The following ODAD2 variants were observed in gnomAD, a reference collection of about 807,000 sequenced individuals.
ODAD2 encodes the protein outer dynein arm docking complex subunit 2, also known as outer dynein arm-docking complex subunit 2.
A neutral mutation model predicts 106.8 loss-of-function variants in ODAD2; 89 were observed. The observed-to-expected ratio is 0.83, with a 90% CI of 0.70 to 0.99. The LOEUF is 0.99. Ranked by LOEUF, ODAD2 falls within the 50% of genes least tolerant of loss-of-function variation. The pLI is 0.00. For missense variants in ODAD2, 1,168 were observed against 1,238.5 expected, an observed-to-expected ratio of 0.94 and a Z score of 0.85; for synonymous variants, 404 against 436.2, an observed-to-expected ratio of 0.93 and a Z score of 0.92.
chr10:27,971,290 C>A lies in ODAD2; in HGVS notation c.960G>T (p.Gln320His). 6.2e-7 allele frequency: 1 copy of A among 1,608,368 alleles called. No homozygotes were observed. The highest frequency in any genetic ancestry group is 8.5e-7 in the Non-Finnish European group (1 of 1,177,942). Residue 320 changes from glutamine (Q) to histidine (H), a missense_variant, in exon 8 of 20, where the codon CAG becomes CAT. Coordinates refer to ENST00000305242, the MANE Select transcript of ODAD2 (RefSeq NM_018076.5). The part of the protein sequence containing the change: ...SKLGISFSED[Q>H]QKEKDQLGKA... ...TGCCAAGCTGATCCTTTTCCTTTTG[C>A]TGGTCTTCACTGAAGCTAATTCCCT... is the stretch of plus-strand genomic sequence containing the variant.
In ODAD2 at chr10:27,824,069, G is replaced by A. The variant is rs1275527042; in HGVS notation, c.3022-11444C>T. 1.4e-5 allele frequency among the ~76,000 whole-genome samples: 2 copies of A among 138,932 alleles called. 1 individual carries two copies. Among genetic ancestry groups the A allele is most frequent in the African/African-American group, 5.9e-5 (2 of 33,754 alleles). 91.1% of individuals were successfully genotyped at this position (138,932 alleles called of 152,430 possible). On this transcript the variant is annotated intron_variant, in intron 19 of 19. Transcript: ENST00000305242. The stretch of plus-strand genomic sequence containing the variant: ...GCAGGAGAATGGCGTGAACCCCAGG[G>A]GGCGGAGCCTGCAGTGAGCCGAGAT...
rs529273520 is a variant in ODAD2 at position 27,943,830 on chromosome 10, G to T, written c.1743+392C>A. 1.2e-3 allele frequency among the ~76,000 whole-genome samples: 100 copies of T among 83,228 alleles called. 1 individual carries two copies. In the South Asian group the frequency reaches 0.014, roughly 12 times the overall value. The allele number at this position is 83,228 out of a possible 152,430, so 54.6% of individuals were successfully genotyped here. A position where few individuals can be genotyped will look rare whatever the true frequency, so the allele number is the denominator to read the frequency against. On this transcript the variant is annotated intron_variant, in intron 12 of 19. Transcript: ENST00000305242. ...AAAAAAAAAAAAAAAAAAAAAAAAAGGCATCATAGATGTCAACAGCTTTTA... is the reference window on the plus strand; with the variant it reads ...AAAAAAAAAAAAAAAAAAAAAAAAATGCATCATAGATGTCAACAGCTTTTA...
chr10:27,973,212 A>AATACATAC (rs56390356), intron 7 of ODAD2, among the ~76,000 whole-genome samples: 19,584 of 148,236 alleles, frequency 0.13, 1,603 homozygotes, highest in African/African-American at 0.22. Context: ...TGGTCAAAAT[A>AATACATAC]ATACATACAT....
At chr10:27,935,377 T>G in intron 15 of ODAD2, 125 bp from the exon 16 acceptor site, 1 of 1,253,570 alleles carries the variant, frequency 8.0e-7, no homozygotes, top group Non-Finnish European at 1.1e-6. Context: ...CATTACTGGA[T>G]GGTTAATCTG....
intron 19 of ODAD2, among the ~76,000 whole-genome samples, chr10:27,823,351 A>G (rs760516852): frequency 3.3e-5 from 5 of 152,160 alleles, no homozygotes; most frequent in Admixed American, 2.0e-4. Flanking sequence ...CAAAGTGTAG[A>G]TGGCAATTCT....
chr10:27,927,217 G>A (rs940247461), intron 16 of ODAD2, among the ~76,000 whole-genome samples: 1 of 152,046 alleles, frequency 6.6e-6, no homozygotes, highest in Admixed American at 6.6e-5. Context: ...AAGGAAGAGA[G>A]GTGCTATGAA....
At chr10:27,839,704 T>C (rs1298369209) in intron 19 of ODAD2, among the ~76,000 whole-genome samples, 1 of 152,202 alleles carries the variant, frequency 6.6e-6, no homozygotes, top group East Asian at 1.9e-4. Context: ...CAGCGACAGA[T>C]ATAACATATA....
At chr10:27,948,779 A>ATTTTTTTTTTT (rs11451204) in intron 10 of ODAD2, among the ~76,000 whole-genome samples, 10 of 40,328 alleles carry the variant, frequency 2.5e-4, no homozygotes, top group Admixed American at 4.6e-4. Context: ...TGGCCTTTGG[A>ATTTTTTTTTTT]TTTTTTTTTT....
rs767169905 is a variant in ODAD2 at position 27,935,158 on chromosome 10, A to C, written c.2347T>G (p.Cys783Gly). Reference protein sequence around the residue: ...LVNVVGALGECCQERENRVIV... With the variant: ...LVNVVGALGEGCQERENRVIV... Reference sequence around the variant, plus strand: ...ACTCGGTTTTCACGTTCTTGGCAGCATTCTCCCAAGGCCCCAACCACATTC... The same window carrying C: ...ACTCGGTTTTCACGTTCTTGGCAGCCTTCTCCCAAGGCCCCAACCACATTC... Residue 783 changes from cysteine (C) to glycine (G), a missense_variant, in exon 16 of 20, where the codon TGC becomes GGC. Transcript: ENST00000305242. 6.2e-7 allele frequency: 1 copy of C among 1,614,004 alleles called. No individual in the cohort carries two copies. The highest frequency in any genetic ancestry group is 1.1e-5 in the South Asian group (1 of 91,082).
At chr10:27,963,453 T>G (rs2132874601) in intron 9 of ODAD2, among the ~76,000 whole-genome samples, 1 of 152,308 alleles carries the variant, frequency 6.6e-6, no homozygotes, top group African/African-American at 2.4e-5. Flanking sequence ...CCAAAATTAC[T>G]TAAAATATGA....
chr10:27,970,101 A>AAAATAAATAAAT (rs57804974), intron 8 of ODAD2, among the ~76,000 whole-genome samples: 145 of 133,416 alleles, frequency 1.1e-3, no homozygotes, highest in African/African-American at 1.8e-3. Context: ...TCTGTCTCAA[A>AAAATAAATAAAT]AAATAAATAA....
chr10:27,914,319 T>C (rs1163550688), intron 16 of ODAD2, among the ~76,000 whole-genome samples: 2 of 152,148 alleles, frequency 1.3e-5, no homozygotes, highest in Non-Finnish European at 2.9e-5. Context: ...AAAGATGCCA[T>C]TTTTTCTTTT....
intron 10 of ODAD2, among the ~76,000 whole-genome samples, chr10:27,951,479 G>A (rs1847321287): frequency 6.6e-6 from 1 of 152,232 alleles, no homozygotes; most frequent in South Asian, 2.1e-4. Flanking sequence ...GATGAAGGTG[G>A]TATCCCAGAT....
intron 19 of ODAD2, among the ~76,000 whole-genome samples, chr10:27,816,116 A>T (rs1836116098): frequency 1.3e-5 from 2 of 152,062 alleles, no homozygotes; most frequent in Admixed American, 1.3e-4. Context: ...AGCTGCCTAC[A>T]CATATTTCAA....
At chr10:27,901,337 C>T (rs554927357) in intron 17 of ODAD2, among the ~76,000 whole-genome samples, 8 of 152,018 alleles carry the variant, frequency 5.3e-5, no homozygotes, top group Middle Eastern at 3.2e-3. Context: ...AAGGAAAAAC[C>T]GGGACCAGCC....
At chr10:27,971,348 A>C in intron 7 of ODAD2, 35 bp from the exon 8 acceptor site, 8 of 1,491,518 alleles carry the variant, frequency 5.4e-6, no homozygotes, top group Non-Finnish European at 7.2e-6. Context: ...TTTTAATGAT[A>C]TCTGAATTAT....
At position 27,828,933 on chromosome 10, in the gene ODAD2, G is replaced by A. The variant is rs147285367; in HGVS notation, c.3022-16308C>T. Among the ~76,000 whole-genome samples, 767 of 152,178 alleles carry A rather than the reference G, an allele frequency of 5.0e-3. 9 individuals are homozygous for A. Among genetic ancestry groups the A allele is most frequent in the African/African-American group, 0.017 (707 of 41,536 alleles). ...ATTAGAAAAAGTATAAGTTCCTAAT[G>A]TTATGTTTGCCTTTATATGTATCTG... On this transcript the variant is annotated intron_variant, in intron 19 of 19. Coordinates refer to ENST00000305242, the MANE Select transcript of ODAD2 (RefSeq NM_018076.5).
intron 16 of ODAD2, among the ~76,000 whole-genome samples, chr10:27,926,651 A>G (rs554989730): frequency 6.6e-6 from 1 of 152,314 alleles, no homozygotes; most frequent in East Asian, 1.9e-4. Flanking sequence ...ACTTTTCCAT[A>G]AGTCCAATGC....
chr10:27,812,770 C>T (rs1008305700), intron 19 of ODAD2, 145 bp from the exon 20 acceptor site: 18 of 1,229,512 alleles, frequency 1.5e-5, no homozygotes, highest in South Asian at 3.7e-5. Context: ...TAAGCAAATA[C>T]GAATATAAAC....
Sources: allele counts gnomAD v4.1 joint callset (sites outside exome capture counted in the v4.1 genomes callset), GRCh38; gene constraint gnomAD v4.1.1; transcripts MANE v1.5; gene names NCBI Gene and HGNC (gene_info 2026-07-23, HGNC 2026-07-21).